Variants in ARL6IP6 observed in about 807,000 individuals in gnomAD.
ARL6IP6 encodes the protein ADP-ribosylation factor-like protein 6-interacting protein 6.
A neutral mutation model predicts 21.5 loss-of-function variants in ARL6IP6; 22 were observed. The ratio of observed to expected loss-of-function variants is 1.02; its 90% CI spans 0.73 to 1.46. The LOEUF (loss-of-function observed/expected upper bound fraction) is 1.46. Ranked by LOEUF, ARL6IP6 falls within the 40% of genes most tolerant of loss-of-function variation. The pLI, the probability that ARL6IP6 is intolerant of heterozygous loss-of-function variation, is 0.00. For missense variants in ARL6IP6, 388 were observed against 299.8 expected, an observed-to-expected ratio of 1.29 and a Z score of -2.17; for synonymous variants, 164 against 125.3, an observed-to-expected ratio of 1.31 and a Z score of -2.06.
intron 2 of ARL6IP6, among the ~76,000 whole-genome samples, chr2:152,728,412 TATA>T (rs1043501570): frequency 6.6e-6 from 1 of 152,214 alleles, no homozygotes; most frequent in Non-Finnish European, 1.5e-5. Flanking sequence ...TCTGATTATA[TATA>T]ATATGTGTAA....
intron 3 of ARL6IP6, among the ~76,000 whole-genome samples, chr2:152,748,273 A>G (rs917237388): frequency 2.6e-5 from 4 of 152,216 alleles, no homozygotes; most frequent in Non-Finnish European, 5.9e-5. Flanking sequence ...AGCAATTTCT[A>G]ACAAGTAATT....
At chr2:152,745,093 T>C (rs961827429) in intron 3 of ARL6IP6, among the ~76,000 whole-genome samples, 4 of 152,194 alleles carry the variant, frequency 2.6e-5, no homozygotes, top group East Asian at 1.9e-4. Context: ...TAAAATACTT[T>C]GACATGTGAA....
intron 2 of ARL6IP6, among the ~76,000 whole-genome samples, chr2:152,724,530 A>C (rs1000891202): frequency 1.3e-5 from 2 of 152,222 alleles, no homozygotes; most frequent in African/African-American, 4.8e-5. Context: ...TGTGCAGCTA[A>C]ATTATTAGTC....
At chr2:152,741,772 A>G (rs184983607) in intron 3 of ARL6IP6, among the ~76,000 whole-genome samples, 273 of 152,328 alleles carry the variant, frequency 1.8e-3, no homozygotes, top group Admixed American at 0.012. Flanking sequence ...TTCAACAGGC[A>G]TATTTTTTGG....
At chr2:152,744,114 A>G (rs181561185) in intron 3 of ARL6IP6, among the ~76,000 whole-genome samples, 144 of 152,288 alleles carry the variant, frequency 9.5e-4, no homozygotes, top group South Asian at 5.4e-3. Flanking sequence ...GACCTCGAAC[A>G]TCTATGTTTA....
chr2:152,746,562 A>G (rs1701055784), intron 3 of ARL6IP6, among the ~76,000 whole-genome samples: 1 of 152,208 alleles, frequency 6.6e-6, no homozygotes, highest in Non-Finnish European at 1.5e-5. Flanking sequence ...CCCTAGCAGA[A>G]GGACATTTGA....
intron 3 of ARL6IP6, among the ~76,000 whole-genome samples, chr2:152,751,613 G>A (rs546209211): frequency 6.6e-6 from 1 of 152,064 alleles, no homozygotes; most frequent in East Asian, 1.9e-4. Flanking sequence ...TTACACATGT[G>A]AGTGAGAACA....
chr2:152,750,899 A>G (rs1182990642), intron 3 of ARL6IP6, among the ~76,000 whole-genome samples: 2 of 152,224 alleles, frequency 1.3e-5, no homozygotes, highest in African/African-American at 4.8e-5. Context: ...AACCTGTCAC[A>G]TTCGTATATG....
chr2:152,744,852 T>G (rs1559237814), intron 3 of ARL6IP6, among the ~76,000 whole-genome samples: 9 of 152,150 alleles, frequency 5.9e-5, no homozygotes. Context: ...TGCCTTACAA[T>G]GCAATCTGGA....
upstream of ARL6IP6, chr2:152,718,057 G>A (rs1168487789): frequency 3.0e-6 from 3 of 994,788 alleles, no homozygotes; most frequent in African/African-American, 5.2e-5. Context: ...TTGTAGTACG[G>A]GTGGGGAGAA....
chr2:152,732,499 G>T, intron 2 of ARL6IP6: 1 of 419,642 alleles, frequency 2.4e-6, no homozygotes, highest in Non-Finnish European at 4.8e-6. Context: ...TTGGATTTTG[G>T]ATTGCTGGTC....
intron 3 of ARL6IP6, among the ~76,000 whole-genome samples, chr2:152,749,428 G>T (rs1304918785): frequency 6.6e-6 from 1 of 151,806 alleles, no homozygotes; most frequent in Non-Finnish European, 1.5e-5. Context: ...TTGTTTCTTT[G>T]TTTTGGTTTT....
In ARL6IP6 at chr2:152,735,011, A is replaced by T. The variant is rs182329683; in HGVS notation, c.472A>T (p.Ile158Leu). The T allele has an allele frequency of 6.2e-7, 1 of 1,613,032 alleles. No homozygotes were observed. The highest frequency in any genetic ancestry group is 1.3e-5 in the African/African-American group (1 of 74,910). ...CTGTTAAGGATTCTGGACTCTACTT[A>T]TAATATCCCTAACTGCTGGATTCTC... is the stretch of plus-strand genomic sequence containing the variant. ...TGLLGFWTLL[I>L]ISLTAGFSCC... Residue 158 changes from isoleucine to leucine, a missense_variant, in exon 3 of 4, where the codon ATA (isoleucine) becomes TTA (leucine). Ile to Leu is a conservative substitution (Grantham distance 5, BLOSUM62 2). Transcript: ENST00000326446.
chr2:152,752,200 A>G (rs1482130485), intron 3 of ARL6IP6, among the ~76,000 whole-genome samples: 1 of 151,984 alleles, frequency 6.6e-6, no homozygotes, highest in Non-Finnish European at 1.5e-5. Flanking sequence ...AAACCCCTCT[A>G]CCCTTCTGTT....
At chr2:152,734,368 G>A (rs199571893) in intron 2 of ARL6IP6, among the ~76,000 whole-genome samples, 90 of 113,940 alleles carry the variant, frequency 7.9e-4, no homozygotes, top group African/African-American at 2.4e-3. Flanking sequence ...AAACTGTAAA[G>A]AGGGGATACC....
chr2:152,725,106 A>T (rs1240591179), intron 2 of ARL6IP6, among the ~76,000 whole-genome samples: 1 of 152,138 alleles, frequency 6.6e-6, no homozygotes, highest in Non-Finnish European at 1.5e-5. Flanking sequence ...TTCATGACTT[A>T]TTCTTTCTTA....
chr2:152,738,070 T>C (rs1369374535), intron 3 of ARL6IP6, among the ~76,000 whole-genome samples: 1 of 152,184 alleles, frequency 6.6e-6, no homozygotes, highest in Non-Finnish European at 1.5e-5. Context: ...ATGGGATAAA[T>C]TGGCCAAAAC....
At chr2:152,754,611 C>T (rs185992688) in intron 3 of ARL6IP6, among the ~76,000 whole-genome samples, 1 of 152,212 alleles carries the variant, frequency 6.6e-6, no homozygotes, top group East Asian at 1.9e-4. Flanking sequence ...TATGTTAACT[C>T]TGTGTTTAAC....
intron 2 of ARL6IP6, among the ~76,000 whole-genome samples, chr2:152,732,238 C>A (rs1700352434): frequency 2.0e-5 from 3 of 151,956 alleles, no homozygotes; most frequent in African/African-American, 7.2e-5. Flanking sequence ...ATATGTGCAT[C>A]ATTTTAACAG....
Sources: gnomAD v4.1 joint callset for allele counts (sites outside exome capture counted in the v4.1 genomes callset) on GRCh38, gnomAD v4.1.1 for gene constraint, MANE v1.5 for transcripts, NCBI Gene and HGNC (gene_info 2026-07-23, HGNC 2026-07-21) for gene names.